Variants in TMEM67 observed in about 807,000 individuals in gnomAD.
TMEM67 encodes meckelin.
Under a neutral mutation model 136.6 loss-of-function variants are expected in TMEM67, and 124 were observed. That is an observed-to-expected ratio of 0.91 (90% confidence interval 0.78 to 1.05). The LOEUF (loss-of-function observed/expected upper bound fraction) is 1.05, where lower values mean the gene tolerates loss of function less well. Ranked by LOEUF, TMEM67 falls within the 50% of genes least tolerant of loss-of-function variation. The pLI is 0.00. For missense variants in TMEM67, 1,107 were observed against 1,178.4 expected, an observed-to-expected ratio of 0.94 and a Z score of 0.89; for synonymous variants, 364 against 390.5, an observed-to-expected ratio of 0.93 and a Z score of 0.80.
At position 93,815,333 on chromosome 8, in the gene TMEM67, G is replaced by T; in HGVS notation, c.2793G>T (p.Leu931=). The T allele has an allele frequency of 6.2e-7, 1 of 1,602,144 alleles. No homozygotes were observed. The highest frequency in any genetic ancestry group is 2.2e-5 in the East Asian group (1 of 44,678). The part of the protein sequence containing the change: ...NDEGYSFSSV[L]YYGNEATLLI... ...AAGGTTATTCTTTCAGCAGTGTCCT[G>T]TATTATGGAAATGAAGCTACTCTTC... Residue 931 remains leucine (L), a synonymous_variant, in exon 27 of 28, where the codon CTG becomes CTT. Coordinates refer to ENST00000453321, the MANE Select transcript of TMEM67 (RefSeq NM_153704.6).
intron 11 of TMEM67, among the ~76,000 whole-genome samples, chr8:93,783,331 T>G (rs900074165): frequency 1.8e-4 from 27 of 152,224 alleles, no homozygotes; most frequent in African/African-American, 6.5e-4. Context: ...TAATAAATTG[T>G]TTATCTGCTT....
intron 3 of TMEM67, chr8:93,758,796 G>A (rs1472381521): frequency 2.9e-5 from 15 of 508,876 alleles, no homozygotes; most frequent in South Asian, 2.1e-4. Context: ...ACTGGGTCTC[G>A]TTATGTTGCT....
In TMEM67 at chr8:93,755,751, CT is replaced by C. The variant is rs587779735; in HGVS notation, c.224-3del. 0.13 allele frequency: 82,381 copies of C among 623,164 alleles called. 231 individuals carry two copies. Among genetic ancestry groups the C allele is most frequent in the African/African-American group, 0.2 (6,716 of 32,902 alleles). The allele number at this position is 623,164 out of a possible 1,614,324, so 38.6% of individuals were successfully genotyped here. On this transcript the variant is annotated intron_variant, in intron 1 of 27. Transcript: ENST00000453321. ...TTTTATTTATCAAGGATAAAATTGG[CT>C]TTTTTTTTTTTTTTTTTTTTTTTAG...
chr8:93,814,296 T>C (rs191422782), intron 26 of TMEM67, among the ~76,000 whole-genome samples: 3,494 of 151,780 alleles, frequency 0.023, 121 homozygotes, highest in African/African-American at 0.079. Flanking sequence ...CCCGCCACCA[T>C]GCGTGGCTAA....
At position 93,795,959 on chromosome 8, in the gene TMEM67, C is replaced by G. The variant is rs759730591; in HGVS notation, c.1832C>G (p.Thr611Ser). The G allele has an allele frequency of 3.7e-6, 6 of 1,613,490 alleles. No homozygotes were observed. The highest frequency in any genetic ancestry group is 5.1e-6 in the Non-Finnish European group (6 of 1,179,468). Reference sequence around the variant, plus strand: ...CCAATTCAGGAAGAACGTTTTGTCACTTATGTTGGATGTGCCTTTGCTCTG... The same window carrying G: ...CCAATTCAGGAAGAACGTTTTGTCAGTTATGTTGGATGTGCCTTTGCTCTG... ...PMPIQEERFV[T>S]YVGCAFALKA... The change falls in exon 18 of 28, where the codon ACT becomes AGT. Residue 611 changes from threonine to serine, a missense_variant. Physicochemically the swap from Thr to Ser is moderately conservative, Grantham distance 58. Coordinates refer to ENST00000453321, the MANE Select transcript of TMEM67 (RefSeq NM_153704.6).
At chr8:93,772,396 T>G (rs1032121379) in intron 6 of TMEM67, among the ~76,000 whole-genome samples, 193 bp from the exon 7 acceptor site, 6 of 152,228 alleles carry the variant, frequency 3.9e-5, no homozygotes, top group African/African-American at 1.4e-4. Flanking sequence ...TTATATCTTT[T>G]GCCTAAGTGT....
rs1813376591 is a variant in TMEM67 at position 93,772,655 on chromosome 8, A to G, written c.714+4A>G. 3 of 1,608,684 alleles carry G rather than the reference A, an allele frequency of 1.9e-6. No homozygotes were observed. The Admixed American group carries it at 5.0e-5, about 27-fold the overall frequency. ...ATCATCAGCAGCTGCATGTTGGGTA[A>G]GTTTGAATTTTTTAAATAAATTTCA... is the stretch of plus-strand genomic sequence containing the variant. On this transcript the variant is annotated splice_donor_region_variant and intron_variant, in intron 7 of 27. Coordinates refer to ENST00000453321, the MANE Select transcript of TMEM67 (RefSeq NM_153704.6).
chr8:93,782,048 G>T (rs945709360), intron 10 of TMEM67, among the ~76,000 whole-genome samples: 7 of 152,078 alleles, frequency 4.6e-5, no homozygotes, highest in African/African-American at 1.7e-4. Context: ...CTGGGAGCTG[G>T]AACTACAGGC....
chr8:93,764,517 C>G (rs1157392757), intron 4 of TMEM67, among the ~76,000 whole-genome samples: 1 of 152,102 alleles, frequency 6.6e-6, no homozygotes, highest in Non-Finnish European at 1.5e-5. Flanking sequence ...CACACACACA[C>G]ACACACACCC....
chr8:93,803,512 G>T (rs933049105), intron 21 of TMEM67, 92 bp from the exon 22 acceptor site: 10 of 814,494 alleles, frequency 1.2e-5, no homozygotes, highest in Non-Finnish European at 2.1e-5. Context: ...CTTTTGGTTG[G>T]AACTTTTTTT....
In TMEM67 at chr8:93,809,064, G is replaced by A; in HGVS notation, c.2564G>A (p.Gly855Asp). 6.2e-7 allele frequency: 1 copy of A among 1,602,658 alleles called. No individual in the cohort carries two copies. Among genetic ancestry groups the A allele is most frequent in the Admixed American group, 1.7e-5 (1 of 59,976 alleles). ...TTCTCTTTTTTACATTAGAAAAATGGTCCTGCTAGACTACTGAGTTCATCA... is the reference window on the plus strand; with the variant it reads ...TTCTCTTTTTTACATTAGAAAAATGATCCTGCTAGACTACTGAGTTCATCA... The part of the protein sequence containing the change: ...RIHETLIRKN[G>D]PARLLSSSAS... The change falls in exon 25 of 28, where the codon GGT (glycine) becomes GAT (aspartate). Residue 855 changes from glycine (G) to aspartate (D), a missense_variant. Around this residue, in one of 3 missense-constraint regions of TMEM67, gnomAD observed 925 missense variants for 1,002.4 expected, o/e 0.92. Transcript: ENST00000453321.
intron 26 of TMEM67, 67 bp downstream of exon 26, chr8:93,809,954 G>T: frequency 2.4e-5 from 23 of 955,486 alleles, no homozygotes; most frequent in Non-Finnish European, 2.9e-5. Context: ...AGTGCTTGTA[G>T]ATATTTTTCT....
At position 93,793,180 on chromosome 8, in the gene TMEM67, T is replaced by G; in HGVS notation, c.1576-18T>G. 6.2e-7 allele frequency: 1 copy of G among 1,605,628 alleles called. No individual in the cohort carries two copies. The highest frequency in any genetic ancestry group is 8.5e-7 in the Non-Finnish European group (1 of 1,172,338). On this transcript the variant is annotated intron_variant, in intron 15 of 27. Transcript: ENST00000453321. ...GACAGAAATTACATAAATTCTCAAT[T>G]GTTCTTTTGTTTTTTAGATTGCTTT...
chr8:93,759,465 G>GAAAAAAAAAAAAA (rs759770096), intron 3 of TMEM67: 1 of 65,064 alleles, frequency 1.5e-5, no homozygotes, highest in Admixed American at 1.9e-4. Context: ...CCTGTCTCAT[G>GAAAAAAAAAAAAA]AAAAAAAAAA....
At chr8:93,761,007 G>A (rs1294800615) in intron 3 of TMEM67, among the ~76,000 whole-genome samples, 5 of 152,244 alleles carry the variant, frequency 3.3e-5, no homozygotes, top group Non-Finnish European at 5.9e-5. Context: ...TAACCTACCA[G>A]ATTTTATTAT....
chr8:93,783,995 A>C (rs1442545570), intron 11 of TMEM67, among the ~76,000 whole-genome samples: 1 of 152,238 alleles, frequency 6.6e-6, no homozygotes, highest in Non-Finnish European at 1.5e-5. Flanking sequence ...CTGTAAAAGT[A>C]CATCTTGATA....
Position 93,804,874 on chromosome 8 carries a change from A to T in TMEM67, c.2435A>T (p.Glu812Val). ...MEEMNMNLKR[E>V]AENLCSQRGL... ...GAAATGAATATGAACCTTAAAAGAG[A>T]AGCGGTATGAAAATGTTTTACATCT... The change falls in exon 23 of 28, where the codon GAA (glutamate) becomes GTA (valine). Residue 812 changes from glutamate (E) to valine (V), a missense_variant. By Grantham distance (121) the Glu-to-Val change is moderately radical. Coordinates refer to ENST00000453321, the MANE Select transcript of TMEM67 (RefSeq NM_153704.6). 1 of 1,522,874 alleles carries T rather than the reference A, an allele frequency of 6.6e-7. No homozygotes were observed. Among genetic ancestry groups the T allele is most frequent in the African/African-American group, 1.4e-5 (1 of 73,246 alleles). The allele number at this position is 1,522,874 out of a possible 1,614,324, so 94.3% of individuals were successfully genotyped here.
At chr8:93,775,494 T>G (rs534370032) in intron 7 of TMEM67, among the ~76,000 whole-genome samples, 1 of 152,338 alleles carries the variant, frequency 6.6e-6, no homozygotes, top group South Asian at 2.1e-4. Context: ...AGGTCTAGCA[T>G]TTAAGTCTTT....
Position 93,792,961 on chromosome 8 carries a change from A to AT in TMEM67, c.1576-237_1576-236insT, listed in dbSNP as rs553012779. 4.9e-3 allele frequency among the ~76,000 whole-genome samples: 734 copies of AT among 151,194 alleles called. 8 individuals are homozygous for AT. The highest frequency in any genetic ancestry group is 0.045 in the South Asian group (215 of 4,772). ...CTAATTTTTTGTATTTTTAGTAGAGACGGGTTTCACCGTGTTAGCCAGGAT... is the reference window on the plus strand; with the variant it reads ...CTAATTTTTTGTATTTTTAGTAGAGATCGGGTTTCACCGTGTTAGCCAGGAT... On this transcript the variant is annotated intron_variant, in intron 15 of 27. Transcript: ENST00000453321.
Sources: allele counts gnomAD v4.1 joint callset (sites outside exome capture counted in the v4.1 genomes callset), GRCh38; gene constraint gnomAD v4.1.1; regional missense constraint gnomAD v4.1.1; transcripts MANE v1.5; gene names NCBI Gene and HGNC (gene_info 2026-07-23, HGNC 2026-07-21).